The following GALNT13 variants were observed in gnomAD, a reference collection of about 807,000 sequenced individuals.
GALNT13 encodes the protein polypeptide N-acetylgalactosaminyltransferase 13.
GALNT13 carries 28 observed loss-of-function variants against 64.2 expected under a neutral mutation model. The ratio of observed to expected loss-of-function variants is 0.44; its 90% CI spans 0.32 to 0.60. The LOEUF (loss-of-function observed/expected upper bound fraction) is 0.60. Ranked by LOEUF, GALNT13 falls within the 20% of genes least tolerant of loss-of-function variation. The probability of loss-of-function intolerance (pLI) is 0.05; values close to 1 mark genes in which losing one functional copy is unlikely to be tolerated. For missense variants in GALNT13, 577 were observed against 669.8 expected (o/e 0.86, Z 1.53); for synonymous variants, 214 against 224.6 (o/e 0.95, Z 0.42).
the GALNT13 span, among the ~76,000 whole-genome samples, chr2:153,607,087 T>G: frequency 6.6e-6 from 1 of 152,032 alleles, no homozygotes; most frequent in African/African-American, 2.4e-5. Flanking sequence ...TGTGAGCAGT[T>G]ATTGAAGTTG....
intron 4 of GALNT13, among the ~76,000 whole-genome samples, chr2:154,239,177 T>A (rs1003401085): frequency 7.2e-5 from 11 of 152,260 alleles, no homozygotes; most frequent in Admixed American, 4.6e-4. Context: ...TGGATTTTTT[T>A]AATCACAAAG....
chr2:153,775,487 C>T, the GALNT13 span, among the ~76,000 whole-genome samples: 7 of 152,130 alleles, frequency 4.6e-5, no homozygotes, highest in African/African-American at 1.7e-4. Flanking sequence ...AGGGCAAAAT[C>T]CCAAGTTATT....
intron 3 of GALNT13, among the ~76,000 whole-genome samples, chr2:154,062,281 A>C (rs1280176482): frequency 1.3e-5 from 2 of 151,898 alleles, no homozygotes; most frequent in South Asian, 4.2e-4. Flanking sequence ...AGATGTAATA[A>C]ATTTTTATGT....
chr2:153,674,401 A>G, the GALNT13 span, among the ~76,000 whole-genome samples: 1 of 152,206 alleles, frequency 6.6e-6, no homozygotes, highest in African/African-American at 2.4e-5. Context: ...AATACCATAC[A>G]TCTACAACCG....
At chr2:153,334,673 G>T in the GALNT13 span, among the ~76,000 whole-genome samples, 1 of 151,886 alleles carries the variant, frequency 6.6e-6, no homozygotes. Context: ...ATTTCTTTAT[G>T]TTCTATCACT....
the GALNT13 span, among the ~76,000 whole-genome samples, chr2:153,391,285 C>T: frequency 7.2e-5 from 11 of 152,028 alleles, no homozygotes; most frequent in Middle Eastern, 3.4e-3. Flanking sequence ...GACAAGGGAG[C>T]AGAAACAGGA....
chr2:153,641,974 G>A, the GALNT13 span, among the ~76,000 whole-genome samples: 4,172 of 151,768 alleles, frequency 0.027, 90 homozygotes, highest in Middle Eastern at 0.058. Context: ...CAAGAATTTA[G>A]CATTTTGCTT....
chr2:153,711,961 T>C, the GALNT13 span, among the ~76,000 whole-genome samples: 1 of 152,316 alleles, frequency 6.6e-6, no homozygotes, highest in East Asian at 1.9e-4. Context: ...AGCAGTCTTT[T>C]TGAAATTTTG....
intron 4 of GALNT13, among the ~76,000 whole-genome samples, chr2:154,174,983 T>A (rs1573810367): frequency 6.6e-6 from 1 of 152,208 alleles, no homozygotes; most frequent in African/African-American, 2.4e-5. Flanking sequence ...CTGAAGTTCT[T>A]ATGAAAACTT....
chr2:154,383,779 C>A (rs928494646), intron 9 of GALNT13, among the ~76,000 whole-genome samples: 1 of 151,716 alleles, frequency 6.6e-6, no homozygotes, highest in African/African-American at 2.4e-5. Flanking sequence ...ATAGCTATAT[C>A]TATATACAAG....
At chr2:153,662,318 C>G in the GALNT13 span, among the ~76,000 whole-genome samples, 1 of 152,282 alleles carries the variant, frequency 6.6e-6, no homozygotes, top group Admixed American at 6.5e-5. Flanking sequence ...CAAAACTCAA[C>G]CTATCTTTCT....
chr2:153,608,805 CATATA>C, the GALNT13 span, among the ~76,000 whole-genome samples: 7 of 145,992 alleles, frequency 4.8e-5, no homozygotes, highest in Admixed American at 1.4e-4. Flanking sequence ...TATTTTATTA[CATATA>C]ATATATACCC....
At chr2:153,888,215 C>T (rs1049981872) in intron 1 of GALNT13, among the ~76,000 whole-genome samples, 1 of 151,910 alleles carries the variant, frequency 6.6e-6, no homozygotes, top group African/African-American at 2.4e-5. Flanking sequence ...ATGCATCATA[C>T]TGTTTTTGAT....
chr2:153,593,719 A>C, the GALNT13 span, among the ~76,000 whole-genome samples: 1 of 152,180 alleles, frequency 6.6e-6, no homozygotes, highest in Non-Finnish European at 1.5e-5. Flanking sequence ...CAAATTCCTT[A>C]AAAAATTATG....
chr2:153,291,423 C>T, the GALNT13 span, among the ~76,000 whole-genome samples: 1 of 152,084 alleles, frequency 6.6e-6, no homozygotes. Flanking sequence ...TTACTCATAA[C>T]CTAGGATCAC....
chr2:154,154,934 TTGTGTGTGTGTGTGTGTG>T (rs60456139), intron 4 of GALNT13, among the ~76,000 whole-genome samples: 4 of 149,304 alleles, frequency 2.7e-5, no homozygotes, highest in African/African-American at 7.4e-5. Flanking sequence ...TTGTTTATGT[TTGTGTGTGTGTGTGTGTG>T]TGTGTGTGTG....
the GALNT13 span, among the ~76,000 whole-genome samples, chr2:153,556,298 T>G: frequency 1.3e-5 from 2 of 152,204 alleles, no homozygotes; most frequent in African/African-American, 4.8e-5. Context: ...AAGAGAAATT[T>G]TGTGTATCAT....
At chr2:153,651,101 A>ACT in the GALNT13 span, among the ~76,000 whole-genome samples, 1 of 152,184 alleles carries the variant, frequency 6.6e-6, no homozygotes, top group African/African-American at 2.4e-5. Flanking sequence ...AATTAACAAT[A>ACT]GTGCATTGTA....
chr2:153,841,274 A>G, the GALNT13 span, among the ~76,000 whole-genome samples: 1 of 152,256 alleles, frequency 6.6e-6, no homozygotes, highest in South Asian at 2.1e-4. Flanking sequence ...AAAAATTACC[A>G]CCTTTAAAAA....
Sources: allele counts gnomAD v4.1 joint callset (sites outside exome capture counted in the v4.1 genomes callset), GRCh38; gene constraint gnomAD v4.1.1; transcripts MANE v1.5; gene names NCBI Gene and HGNC (gene_info 2026-07-23, HGNC 2026-07-21).